Variants in ANKRD60 observed in about 807,000 individuals in gnomAD.
ANKRD60 encodes ankyrin repeat domain-containing protein 60.
A neutral mutation model predicts 21.3 loss-of-function variants in ANKRD60; 24 were observed. The ratio of observed to expected loss-of-function variants is 1.13; its 90% CI spans 0.82 to 1.59. The LOEUF is 1.59. Among genes scored for constraint, ANKRD60 ranks in the 40% most tolerant of loss-of-function variants. The pLI is 0.00. For missense variants in ANKRD60, 490 were observed against 466.7 expected (o/e 1.05, Z -0.46); for synonymous variants, 182 against 199.4 (o/e 0.91, Z 0.74).
At chr20:58,223,828 G>A (rs1285790582) in intron 1 of ANKRD60, among the ~76,000 whole-genome samples, 2 of 152,184 alleles carry the variant, frequency 1.3e-5, no homozygotes, top group Non-Finnish European at 2.9e-5. Context: ...TCCAGGCCCA[G>A]CACAGTGGCT....
At chr20:58,220,259 G>A (rs757563199) in intron 3 of ANKRD60, among the ~76,000 whole-genome samples, 1 of 152,102 alleles carries the variant, frequency 6.6e-6, no homozygotes, top group Admixed American at 6.5e-5. Flanking sequence ...TGGTGGTCTG[G>A]GCTGTTACAG....
At chr20:58,221,225 G>A in intron 3 of ANKRD60, 113 bp downstream of exon 3, 1 of 1,197,334 alleles carries the variant, frequency 8.4e-7, no homozygotes, top group Non-Finnish European at 1.1e-6. Context: ...TGGCTGACAA[G>A]ACACAGGTCC....
chr20:58,226,036 G>T (rs1312067765), intron 1 of ANKRD60, among the ~76,000 whole-genome samples: 1 of 152,156 alleles, frequency 6.6e-6, no homozygotes, highest in African/African-American at 2.4e-5. Context: ...TTCAGTCACA[G>T]GGAACTTTCG....
downstream of ANKRD60, among the ~76,000 whole-genome samples, chr20:58,218,193 G>A (rs1984171016): frequency 2.0e-5 from 3 of 152,166 alleles, no homozygotes; most frequent in African/African-American, 7.2e-5. Flanking sequence ...CCAGAAGGGA[G>A]AGAAGGTAAT....
At position 58,221,515 on chromosome 20, in the gene ANKRD60, A is replaced by G. The variant is rs780909808; in HGVS notation, c.562-12T>C. On this transcript the variant is annotated splice_polypyrimidine_tract_variant and intron_variant, in intron 2 of 3. Transcript: ENST00000457363. ...CCGAGACAAGATAGCTGGGCAAGACAAGAGGAGTTTGAGTTATTCTCAAAA... is the reference window on the plus strand; with the variant it reads ...CCGAGACAAGATAGCTGGGCAAGACGAGAGGAGTTTGAGTTATTCTCAAAA... 2.6e-6 allele frequency: 4 copies of G among 1,550,812 alleles called. No homozygotes were observed. In the African/African-American group the frequency reaches 5.5e-5, roughly 21 times the overall value.
rs1984400735 is a variant in ANKRD60, at chr20:58,228,124, G to C, written c.430+100C>G. ...GTTTCAGGGGTTTGCTTTGACATCT[G>C]GGGTTTCTCACGTAAGCAGGCTTCC... On this transcript the variant is annotated intron_variant, in intron 1 of 3. Transcript: ENST00000457363. This position sits in a 1 kb window ranked among gnomAD's most constrained non-coding sequence, Gnocchi z 5.3. 8.2e-7 allele frequency: 1 copy of C among 1,223,444 alleles called. No homozygotes were observed. Among genetic ancestry groups the C allele is most frequent in the African/African-American group, 1.5e-5 (1 of 64,968 alleles). The allele number at this position is 1,223,444 out of a possible 1,614,324, so 75.8% of individuals were successfully genotyped here. A position where few individuals can be genotyped will look rare whatever the true frequency, so the allele number is the denominator to read the frequency against.
At chr20:58,223,679 C>T (rs921017033) in intron 1 of ANKRD60, among the ~76,000 whole-genome samples, 1 of 152,196 alleles carries the variant, frequency 6.6e-6, no homozygotes, top group Non-Finnish European at 1.5e-5. Context: ...ATTTTTCCAC[C>T]TTGGCACTGC....
At chr20:58,218,450 A>G (rs1984175682), downstream of ANKRD60, 2 of 1,519,198 alleles carry the variant, frequency 1.3e-6, no homozygotes, top group Non-Finnish European at 1.8e-6. Context: ...GAACTCTGCA[A>G]AGTTGCCCAA....
chr20:58,226,552 C>A (rs1277035187), intron 1 of ANKRD60, among the ~76,000 whole-genome samples: 1 of 152,146 alleles, frequency 6.6e-6, no homozygotes, highest in Non-Finnish European at 1.5e-5. Context: ...TTTTGGGGTA[C>A]TCATGGAGGC....
rs1017678665 is a variant in ANKRD60 at position 58,227,397 on chromosome 20, G to A, written c.430+827C>T. On this transcript the variant is annotated intron_variant, in intron 1 of 3. Coordinates refer to ENST00000457363, the Ensembl canonical transcript of ANKRD60. Reference sequence around the variant, plus strand: ...TTGGCATCCTTGCAAGACAAAAGTGGCTGGAAAATCTGGGGTTCTGAGGTA... The same window carrying A: ...TTGGCATCCTTGCAAGACAAAAGTGACTGGAAAATCTGGGGTTCTGAGGTA... Among the ~76,000 whole-genome samples, 8 of 152,072 alleles carry A rather than the reference G, an allele frequency of 5.3e-5. No individual in the cohort carries two copies. In the South Asian group the frequency reaches 1.7e-3, roughly 32 times the overall value.
chr20:58,223,472 A>G (rs1984303799), intron 1 of ANKRD60, among the ~76,000 whole-genome samples: 1 of 152,250 alleles, frequency 6.6e-6, no homozygotes, highest in African/African-American at 2.4e-5. Flanking sequence ...ATGAGTCAGT[A>G]AAGTCATTTT....
intron 2 of ANKRD60, among the ~76,000 whole-genome samples, chr20:58,221,738 C>G (rs79131321): frequency 0.03 from 4,566 of 152,220 alleles, 209 homozygotes; most frequent in African/African-American, 0.1. Context: ...GTCAGTCAGG[C>G]TCGGAACACA....
chr20:58,218,855 C>A, intron 3 of ANKRD60, 50 bp from the exon 4 acceptor site: 1 of 1,478,534 alleles, frequency 6.8e-7, no homozygotes, highest in Non-Finnish European at 9.0e-7. Context: ...AGGGGGAACA[C>A]AGGAGGGGTC....
At chr20:58,225,393 CA>C (rs1318770170) in intron 1 of ANKRD60, among the ~76,000 whole-genome samples, 30 of 152,298 alleles carry the variant, frequency 2.0e-4, no homozygotes, top group East Asian at 5.8e-4. Flanking sequence ...AGAGTAGGCT[CA>C]AAACACATTT....
At chr20:58,223,912 G>A (rs1984314567) in intron 1 of ANKRD60, among the ~76,000 whole-genome samples, 1 of 152,072 alleles carries the variant, frequency 6.6e-6, no homozygotes, top group South Asian at 2.1e-4. Context: ...GACCAGCCTG[G>A]GCCACATGGC....
At position 58,218,550 on chromosome 20, in the gene ANKRD60, A is replaced by G. The variant is rs1325242694; in HGVS notation, c.983T>C (p.Leu328Ser). 7 of 1,551,622 alleles carry G rather than the reference A, an allele frequency of 4.5e-6. No individual in the cohort carries two copies. The East Asian group carries it at 1.7e-4, about 38-fold the overall frequency. ...CCTAAACCCAGACTTGACCCTCTGC[A>G]AAGCATTCTTCATGACCAAGTCATT... is the stretch of plus-strand genomic sequence containing the variant. The change falls in exon 4 of 4, where the codon TTG (leucine) becomes TCG (serine). Residue 328 changes from leucine to serine, a missense_variant. Coordinates refer to ENST00000457363, the Ensembl canonical transcript of ANKRD60.
At chr20:58,224,569 T>C (rs1307393080) in intron 1 of ANKRD60, among the ~76,000 whole-genome samples, 1 of 152,212 alleles carries the variant, frequency 6.6e-6, no homozygotes, top group Non-Finnish European at 1.5e-5. Flanking sequence ...CTTGGCTCTA[T>C]GAGCACCAAT....
At chr20:58,220,066 G>T (rs1984214758) in intron 3 of ANKRD60, among the ~76,000 whole-genome samples, 1 of 152,138 alleles carries the variant, frequency 6.6e-6, no homozygotes, top group Non-Finnish European at 1.5e-5. Context: ...CACTTTGCTT[G>T]GTGTAAGTGG....
intron 2 of ANKRD60, among the ~76,000 whole-genome samples, chr20:58,222,366 A>G (rs1984276702): frequency 6.6e-6 from 1 of 152,170 alleles, no homozygotes; most frequent in Non-Finnish European, 1.5e-5. Flanking sequence ...CAAGAGCGCC[A>G]ATCCCAGCCC....
Sources: gnomAD v4.1 joint callset for allele counts (sites outside exome capture counted in the v4.1 genomes callset) on GRCh38, gnomAD v4.1.1 for gene constraint, Gnocchi (gnomAD v3.1) non-coding constraint, MANE v1.5 for transcripts, NCBI Gene and HGNC (gene_info 2026-07-23, HGNC 2026-07-21) for gene names.